COPG2: variants seen among roughly 807,000 people sequenced by gnomAD.
COPG2 encodes coat protein complex I subunit gamma 2.
In COPG2, 37 loss-of-function variants were observed where a neutral mutation model predicts 46.3. The observed-to-expected ratio is 0.80, with a 90% CI of 0.61 to 1.05. The LOEUF (loss-of-function observed/expected upper bound fraction) is 1.05. COPG2 is among the 50% of genes least tolerant of loss of function. COPG2 has a pLI of 0.00. For missense variants in COPG2, 427 were observed against 387.8 expected (o/e 1.10, Z -0.85); for synonymous variants, 159 against 129.7 (o/e 1.23, Z -1.53).
At chr7:130,520,763 ACTT>A (rs1799717380) in intron 20 of COPG2, among the ~76,000 whole-genome samples, 1 of 152,150 alleles carries the variant, frequency 6.6e-6, no homozygotes, top group Non-Finnish European at 1.5e-5. Context: ...TTTCCAAAAA[ACTT>A]CTTGTTTTTA....
intron 9 of COPG2, among the ~76,000 whole-genome samples, chr7:130,578,088 A>C (rs1172019954): frequency 6.6e-6 from 1 of 151,978 alleles, no homozygotes; most frequent in Non-Finnish European, 1.5e-5. Context: ...CTGCAGACTT[A>C]AATGTCCCTG....
At chr7:130,649,496 T>G (rs1554458806) in intron 5 of COPG2, among the ~76,000 whole-genome samples, 2 of 152,208 alleles carry the variant, frequency 1.3e-5, no homozygotes, top group Non-Finnish European at 2.9e-5. Flanking sequence ...TCACTGTTTG[T>G]AAGTCCTCCT....
intron 9 of COPG2, among the ~76,000 whole-genome samples, chr7:130,574,794 C>A (rs1417502969): frequency 6.6e-6 from 1 of 151,748 alleles, no homozygotes; most frequent in South Asian, 2.1e-4. Context: ...GCAAGGAAAT[C>A]CAAAAAATGA....
intron 9 of COPG2, among the ~76,000 whole-genome samples, chr7:130,577,863 G>A (rs1323859611): frequency 8.6e-5 from 13 of 150,758 alleles, no homozygotes; most frequent in African/African-American, 2.9e-4. Flanking sequence ...ACGGAATCTC[G>A]CTGATTGCTA....
intron 4 of COPG2, among the ~76,000 whole-genome samples, chr7:130,659,780 C>G (rs1554460411): frequency 6.6e-6 from 1 of 151,994 alleles, no homozygotes; most frequent in African/African-American, 2.4e-5. Flanking sequence ...GGCATGGTGG[C>G]ACGTGCCCAC....
chr7:130,646,922 T>C (rs1554458276), intron 5 of COPG2, among the ~76,000 whole-genome samples: 1 of 52,268 alleles, frequency 1.9e-5, no homozygotes, highest in Admixed American at 2.8e-4. Context: ...AGTGTGTGTT[T>C]GTGTGTGTAT....
At chr7:130,554,390 A>T (rs1793584757) in intron 14 of COPG2, 91 bp downstream of exon 14, 1 of 397,052 alleles carries the variant, frequency 2.5e-6, no homozygotes, top group Non-Finnish European at 4.4e-6. Context: ...CCATCCAATA[A>T]ATCCTGCAAC....
intron 20 of COPG2, among the ~76,000 whole-genome samples, chr7:130,514,145 G>T (rs1399370213): frequency 3.3e-5 from 5 of 152,232 alleles, no homozygotes; most frequent in Admixed American, 3.3e-4. Flanking sequence ...AATGGAAGAA[G>T]AACAAGTGCT....
chr7:130,577,308 T>C (rs1366912588), intron 9 of COPG2, among the ~76,000 whole-genome samples: 6 of 152,196 alleles, frequency 3.9e-5, no homozygotes, highest in South Asian at 4.1e-4. Context: ...GGTCAGTGGG[T>C]GCACGCACCG....
chr7:130,583,493 TA>T (rs782593413), intron 9 of COPG2, among the ~76,000 whole-genome samples: 14,284 of 34,388 alleles, frequency 0.42, 1,286 homozygotes, highest in East Asian at 0.5. Flanking sequence ...ACATAAAGTA[TA>T]AAAAAAAAAA....
At chr7:130,594,800 CA>C (rs1232155251) in intron 9 of COPG2, among the ~76,000 whole-genome samples, 1 of 152,118 alleles carries the variant, frequency 6.6e-6, no homozygotes, top group Non-Finnish European at 1.5e-5. Context: ...ATCAAAACCA[CA>C]ACTAGATTCA....
chr7:130,647,002 T>C (rs1554458365), intron 5 of COPG2, among the ~76,000 whole-genome samples: 4 of 136,328 alleles, frequency 2.9e-5, no homozygotes, highest in East Asian at 4.1e-4. Context: ...TATATGTGTA[T>C]ATATATATGT....
At chr7:130,644,275 C>T (rs2116211226) in intron 5 of COPG2, among the ~76,000 whole-genome samples, 1 of 152,278 alleles carries the variant, frequency 6.6e-6, no homozygotes, top group East Asian at 1.9e-4. Flanking sequence ...AAGAGAAACA[C>T]TAGGTATGAC....
At chr7:130,519,364 G>A (rs921712580) in intron 20 of COPG2, among the ~76,000 whole-genome samples, 6 of 152,286 alleles carry the variant, frequency 3.9e-5, no homozygotes, top group African/African-American at 7.2e-5. Flanking sequence ...AGATTAATGC[G>A]ACGGACTTAA....
At chr7:130,600,983 C>T (rs1160488914) in intron 9 of COPG2, among the ~76,000 whole-genome samples, 1 of 152,204 alleles carries the variant, frequency 6.6e-6, no homozygotes, top group Non-Finnish European at 1.5e-5. Flanking sequence ...CTGCAACTTC[C>T]ATATCAGGCT....
intron 9 of COPG2, among the ~76,000 whole-genome samples, chr7:130,597,944 T>C (rs1026534240): frequency 6.6e-6 from 1 of 152,092 alleles, no homozygotes; most frequent in Non-Finnish European, 1.5e-5. Context: ...TATTCAATAA[T>C]AGGGATAGGG....
chr7:130,513,004 G>C (rs1045523399), intron 20 of COPG2, among the ~76,000 whole-genome samples: 3 of 151,668 alleles, frequency 2.0e-5, no homozygotes, highest in Non-Finnish European at 4.4e-5. Context: ...TGTGGGTAGG[G>C]GCTGGGCACG....
chr7:130,532,594 T>G (rs1331395722), intron 20 of COPG2, among the ~76,000 whole-genome samples: 18 of 151,306 alleles, frequency 1.2e-4, no homozygotes, highest in Admixed American at 1.1e-3. Context: ...TAAGAGTGAG[T>G]GCTGATGACA....
At chr7:130,522,552 T>C (rs1799732630) in intron 20 of COPG2, among the ~76,000 whole-genome samples, 3 of 151,584 alleles carry the variant, frequency 2.0e-5, no homozygotes, top group Admixed American at 2.0e-4. Context: ...ATGTAGATCT[T>C]TAAGAGAAAT....
Sources: gnomAD v4.1 joint callset for allele counts (sites outside exome capture counted in the v4.1 genomes callset) on GRCh38, gnomAD v4.1.1 for gene constraint, MANE v1.5 for transcripts, NCBI Gene and HGNC (gene_info 2026-07-23, HGNC 2026-07-21) for gene names.